Variants in C18orf63 observed in about 807,000 individuals in gnomAD.
C18orf63 encodes the protein chromosome 18 open reading frame 63.
C18orf63 carries 50 observed loss-of-function variants against 75.3 expected under a neutral mutation model. The ratio of observed to expected loss-of-function variants is 0.66; its 90% CI spans 0.53 to 0.84. The LOEUF is 0.84. Ranked by LOEUF, C18orf63 falls within the 40% of genes least tolerant of loss-of-function variation. The probability of loss-of-function intolerance (pLI) is 0.00; values close to 1 mark genes in which losing one functional copy is unlikely to be tolerated. For synonymous variants in C18orf63, 232 were observed against 267.6 expected (o/e 0.87, Z 1.30); for missense variants, 732 against 800.2 (o/e 0.91, Z 1.03).
intron 7 of C18orf63, among the ~76,000 whole-genome samples, chr18:74,334,671 A>G (rs1984362840): frequency 6.6e-6 from 1 of 152,064 alleles, no homozygotes. Context: ...AATAAGGATG[A>G]AGAGGTGAGA....
intron 3 of C18orf63, among the ~76,000 whole-genome samples, 191 bp downstream of exon 3, chr18:74,320,782 G>A (rs1281810350): frequency 3.3e-5 from 5 of 151,990 alleles, no homozygotes; most frequent in Admixed American, 3.3e-4. Context: ...CATTTTTGTG[G>A]TTCTAATTTA....
rs1261970807 is a variant in C18orf63 at position 74,342,122 on chromosome 18, T to C, written c.702T>C (p.Asp234=). Residue 234 remains aspartate, a synonymous_variant, in exon 9 of 14, where the codon GAT becomes GAC. Coordinates refer to ENST00000579455, the MANE Select transcript of C18orf63 (RefSeq NM_001174123.2). ...HSYGDFQRHW[D]ALYGYKLPGD... Reference sequence around the variant, plus strand: ...ATGGAGATTTCCAGAGACACTGGGATGCCCTGGTAAGGAATGGAAATATAT... The same window carrying C: ...ATGGAGATTTCCAGAGACACTGGGACGCCCTGGTAAGGAATGGAAATATAT... 1.3e-5 allele frequency: 19 copies of C among 1,501,406 alleles called. No homozygotes were observed. The highest frequency in any genetic ancestry group is 1.7e-5 in the Non-Finnish European group (19 of 1,116,212). 93.0% of individuals were successfully genotyped at this position (1,501,406 alleles called of 1,614,324 possible).
intron 7 of C18orf63, among the ~76,000 whole-genome samples, chr18:74,335,132 A>C (rs779467182): frequency 6.6e-6 from 1 of 152,138 alleles, no homozygotes; most frequent in South Asian, 2.1e-4. Context: ...GTGTCTTATT[A>C]ATCTTTCTAT....
intron 7 of C18orf63, among the ~76,000 whole-genome samples, chr18:74,335,582 A>G (rs1264798730): frequency 6.6e-6 from 1 of 152,140 alleles, no homozygotes; most frequent in Non-Finnish European, 1.5e-5. Context: ...TTGAATCCAC[A>G]GTTACATGAG....
rs1984810342 is a variant in C18orf63, at chr18:74,358,606, C to T, written c.*2159C>T. 6.6e-6 allele frequency: 1 copy of T among 152,040 alleles called. No individual in the cohort carries two copies. The highest frequency in any genetic ancestry group is 1.5e-5 in the Non-Finnish European group (1 of 67,994). The allele number at this position is 152,040 out of a possible 1,614,324, so 9.4% of individuals were successfully genotyped here. A position where few individuals can be genotyped will look rare whatever the true frequency, so the allele number is the denominator to read the frequency against. Reference sequence around the variant, plus strand: ...ATTGGTGATTTATATGCAGTATGGACCATCCTCCCCCCAGAAATTATTCTT... The same window carrying T: ...ATTGGTGATTTATATGCAGTATGGATCATCCTCCCCCCAGAAATTATTCTT... On this transcript the variant is annotated 3_prime_UTR_variant, in exon 14 of 14. Coordinates refer to ENST00000579455, the MANE Select transcript of C18orf63 (RefSeq NM_001174123.2).
chr18:74,316,288 C>G (rs1984022468), intron 1 of C18orf63, among the ~76,000 whole-genome samples, 179 bp downstream of exon 1: 1 of 152,068 alleles, frequency 6.6e-6, no homozygotes, highest in Non-Finnish European at 1.5e-5. Flanking sequence ...TTCATTATAT[C>G]GGAAATTTAT....
At position 74,330,957 on chromosome 18, in the gene C18orf63, GA is replaced by G; in HGVS notation, c.501+16del. 8.4e-7 allele frequency: 1 copy of G among 1,190,270 alleles called. No homozygotes were observed. The highest frequency in any genetic ancestry group is 1.1e-6 in the Non-Finnish European group (1 of 874,342). 73.7% of individuals were successfully genotyped at this position (1,190,270 alleles called of 1,614,324 possible). A position where few individuals can be genotyped will look rare whatever the true frequency, so the allele number is the denominator to read the frequency against. On this transcript the variant is annotated intron_variant, in intron 7 of 13. Transcript: ENST00000579455. The stretch of plus-strand genomic sequence containing the variant: ...CAGCACCTGAGGTACCATATATTGT[GA>G]TTTCTATACTTTATTATATTTACTA...
At chr18:74,332,637 AG>A (rs900207604) in intron 7 of C18orf63, among the ~76,000 whole-genome samples, 33 of 151,608 alleles carry the variant, frequency 2.2e-4, no homozygotes, top group Non-Finnish European at 3.4e-4. Flanking sequence ...GAGACCCAGG[AG>A]GCAGAGGTAG....
chr18:74,316,549 C>T (rs1014798626), intron 1 of C18orf63, among the ~76,000 whole-genome samples: 1 of 152,146 alleles, frequency 6.6e-6, no homozygotes, highest in Non-Finnish European at 1.5e-5. Context: ...GAGTTTTGGT[C>T]CTTTGGGGTT....
intron 2 of C18orf63, 86 bp from the exon 3 acceptor site, chr18:74,320,425 CTG>C (rs1984100731): frequency 2.3e-6 from 2 of 882,870 alleles, no homozygotes; most frequent in Admixed American, 4.8e-5. Context: ...CTTGCCAACA[CTG>C]GGGATTATAA....
At chr18:74,323,679 C>G (rs1024455822) in intron 4 of C18orf63, among the ~76,000 whole-genome samples, 1 of 152,104 alleles carries the variant, frequency 6.6e-6, no homozygotes, top group African/African-American at 2.4e-5. Context: ...TTTATTAAGG[C>G]CTAAGAATAG....
In C18orf63 at chr18:74,343,775, C is replaced by T. The variant is rs1340918491; in HGVS notation, c.978+73C>T. The T allele has an allele frequency of 2.9e-6, 3 of 1,019,080 alleles. No homozygotes were observed. The African/African-American group carries it at 5.0e-5, about 17-fold the overall frequency. The allele number at this position is 1,019,080 out of a possible 1,614,324, so 63.1% of individuals were successfully genotyped here. A position where few individuals can be genotyped will look rare whatever the true frequency, so the allele number is the denominator to read the frequency against. On this transcript the variant is annotated intron_variant, in intron 11 of 13. Coordinates refer to ENST00000579455, the MANE Select transcript of C18orf63 (RefSeq NM_001174123.2). ...CTATTTTACTTGAATCTCTTGTCTT[C>T]TGGGGTGGAACACCCAACGCAGTGT...
chr18:74,344,150 G>A (rs544391139), intron 11 of C18orf63, among the ~76,000 whole-genome samples: 4 of 152,232 alleles, frequency 2.6e-5, no homozygotes, highest in East Asian at 3.9e-4. Context: ...CAGAGGGCTA[G>A]TGTCTGGCTC....
chr18:74,322,816 C>G (rs1984146656), intron 4 of C18orf63, 62 bp downstream of exon 4: 2 of 552,244 alleles, frequency 3.6e-6, no homozygotes, highest in African/African-American at 1.9e-5. Flanking sequence ...CGTTCCACTC[C>G]TTTTGTCAAC....
intron 7 of C18orf63, among the ~76,000 whole-genome samples, chr18:74,333,088 C>T (rs1181878318): frequency 1.3e-5 from 2 of 152,222 alleles, no homozygotes; most frequent in South Asian, 2.1e-4. Context: ...AGATACTGGC[C>T]CAACATGCAT....
chr18:74,319,893 A>G (rs1984090240), intron 2 of C18orf63, among the ~76,000 whole-genome samples: 6 of 152,234 alleles, frequency 3.9e-5, no homozygotes. Flanking sequence ...TGGGAAATTC[A>G]GATGCGGGGA....
intron 3 of C18orf63, among the ~76,000 whole-genome samples, chr18:74,321,555 T>C (rs1431651295): frequency 2.0e-5 from 3 of 152,138 alleles, no homozygotes; most frequent in Non-Finnish European, 4.4e-5. Flanking sequence ...TCCTCCCACC[T>C]CGACCTCTCC....
At chr18:74,351,352 G>A (rs971222835) in intron 11 of C18orf63, among the ~76,000 whole-genome samples, 25 of 152,236 alleles carry the variant, frequency 1.6e-4, no homozygotes, top group Middle Eastern at 6.8e-3. Context: ...TATGGGTCTC[G>A]TTCTCTTGAG....
chr18:74,340,701 G>A, intron 8 of C18orf63, among the ~76,000 whole-genome samples: 1 of 151,896 alleles, frequency 6.6e-6, no homozygotes, highest in East Asian at 1.9e-4. Context: ...CCTGTCATTT[G>A]CAACATGGAT....
Sources: gnomAD v4.1 joint callset for allele counts (sites outside exome capture counted in the v4.1 genomes callset) on GRCh38, gnomAD v4.1.1 for gene constraint, MANE v1.5 for transcripts, NCBI Gene and HGNC (gene_info 2026-07-23, HGNC 2026-07-21) for gene names.